NADK: variants seen among roughly 807,000 people sequenced by gnomAD.
The protein encoded by NADK is NAD kinase.
NADK carries 22 observed loss-of-function variants against 49.8 expected under a neutral mutation model. That is an observed-to-expected ratio of 0.44 (90% CI 0.32 to 0.63). The LOEUF (loss-of-function observed/expected upper bound fraction) is 0.63. Among genes scored for constraint, NADK ranks in the 30% least tolerant of loss-of-function variants. The pLI, the probability that NADK is intolerant of heterozygous loss-of-function variation, is 0.06. For missense variants in NADK, 438 were observed against 609.4 expected (o/e 0.72, Z 2.96); for synonymous variants, 268 against 253.7 (o/e 1.06, Z -0.54).
intron 3 of NADK, chr1:1,759,595 C>T: frequency 9.6e-7 from 1 of 1,041,774 alleles, no homozygotes; most frequent in South Asian, 1.6e-5. Context: ...AGTTCAGATG[C>T]ATGGGAAGCC....
chr1:1,774,699 A>T (rs536437366), intron 1 of NADK, among the ~76,000 whole-genome samples: 2 of 152,330 alleles, frequency 1.3e-5, no homozygotes, highest in South Asian at 2.1e-4. Flanking sequence ...GACAAGGGTG[A>T]GTCAGGACTG....
chr1:1,760,255 T>C (rs1427819710), intron 3 of NADK, among the ~76,000 whole-genome samples: 1 of 152,130 alleles, frequency 6.6e-6, no homozygotes, highest in Non-Finnish European at 1.5e-5. Flanking sequence ...TCACAGACAC[T>C]CCGGGAACCA....
intron 1 of NADK, among the ~76,000 whole-genome samples, chr1:1,774,607 C>G (rs922837542): frequency 1.3e-5 from 2 of 151,480 alleles, no homozygotes; most frequent in South Asian, 4.2e-4. Context: ...GGCCACTGCG[C>G]GCGGCCACCA....
At chr1:1,758,993 G>T in intron 3 of NADK, 1 of 1,355,342 alleles carries the variant, frequency 7.4e-7, no homozygotes, top group Non-Finnish European at 9.8e-7. Flanking sequence ...GCTTGGCTCC[G>T]GCCCAAGGGC....
Position 1,774,934 on chromosome 1 carries a change from C to T in NADK, c.-41+3355G>A, listed in dbSNP as rs1040934460. 5.9e-5 allele frequency among the ~76,000 whole-genome samples: 9 copies of T among 151,792 alleles called. No homozygotes were observed. In the East Asian group the frequency reaches 7.8e-4, roughly 13 times the overall value. On this transcript the variant is annotated intron_variant, in intron 1 of 11. Coordinates refer to ENST00000341426, the MANE Select transcript of NADK (RefSeq NM_023018.5). ...CAGCCTGGCCAAGATGGTGAAACTC[C>T]GTCTCTACTAAAAATACAAAAAAAA...
chr1:1,776,731 C>T (rs980209055), intron 1 of NADK, among the ~76,000 whole-genome samples: 4 of 145,844 alleles, frequency 2.7e-5, no homozygotes, highest in African/African-American at 7.6e-5. Flanking sequence ...CGAGATTGTG[C>T]CACTGCACTC....
Position 1,752,952 on chromosome 1 carries a change from C to T in NADK, c.1293G>A (p.Lys431=). 1.9e-6 allele frequency: 3 copies of T among 1,599,338 alleles called. No individual in the cohort carries two copies. The highest frequency in any genetic ancestry group is 1.8e-5 in the Admixed American group (1 of 56,326). ...LAQCLHWNVR[K]KQAHFEEEEE... is the part of the protein sequence containing the mutation. ...CCTCCTCCTCGAAGTGGGCTTGCTT[C>T]TTCCGGACGTTCCAATGCAGGCACT... is the stretch of plus-strand genomic sequence containing the variant. Residue 431 remains lysine, a synonymous_variant, in exon 12 of 12, where the codon AAG becomes AAA. Coordinates refer to ENST00000341426, the MANE Select transcript of NADK (RefSeq NM_023018.5).
intron 2 of NADK, among the ~76,000 whole-genome samples, chr1:1,764,378 C>T (rs1162213273): frequency 5.3e-5 from 8 of 152,142 alleles, no homozygotes; most frequent in South Asian, 2.1e-4. Context: ...ATGCAAAGCC[C>T]GGGGCGCTGT....
At chr1:1,780,060 T>C (rs1646325099), upstream of NADK, 1 of 152,172 alleles carries the variant, frequency 6.6e-6, no homozygotes. Context: ...CATGAGAACT[T>C]GGGGGATTTC....
intron 7 of NADK, chr1:1,755,039 C>T (rs887934983): frequency 2.5e-6 from 1 of 408,082 alleles, no homozygotes; most frequent in African/African-American, 2.1e-5. Flanking sequence ...CCAGGATGGT[C>T]TCATCTCTTG....
At position 1,775,037 on chromosome 1, in the gene NADK, C is replaced by T. The variant is rs1249186312; in HGVS notation, c.-41+3252G>A. On this transcript the variant is annotated intron_variant, in intron 1 of 11. Coordinates refer to ENST00000341426, the MANE Select transcript of NADK (RefSeq NM_023018.5). ...GGCAGGAGAATCGCTTGAACCCAGG[C>T]GGCAGAGGTTGCAGTGAGCTGAGAT... 3.3e-5 allele frequency among the ~76,000 whole-genome samples: 5 copies of T among 151,736 alleles called. 1 individual carries two copies. Among genetic ancestry groups the T allele is most frequent in the Non-Finnish European group, 7.4e-5 (5 of 67,940 alleles).
chr1:1,756,420 G>A (rs1645524671), intron 5 of NADK, 77 bp from the exon 6 acceptor site: 2 of 1,609,606 alleles, frequency 1.2e-6, no homozygotes, highest in South Asian at 1.1e-5. Flanking sequence ...AGACACCAAT[G>A]ACAAGGGCAA....
rs138612676 is a variant in NADK, at chr1:1,760,003, C to A, written c.263+1949G>T. On this transcript the variant is annotated intron_variant, in intron 3 of 11. Coordinates refer to ENST00000341426, the MANE Select transcript of NADK (RefSeq NM_023018.5). ...AGCACAGGATGGCGGGACAGAGCCA[C>A]GGCGGGGCCGGGAGGGCAGTGGAGC... is the stretch of plus-strand genomic sequence containing the variant. The A allele has an allele frequency of 1.4e-5, 18 of 1,314,922 alleles. No individual in the cohort carries two copies. The African/African-American group carries it at 2.6e-4, about 19-fold the overall frequency. 81.5% of individuals were successfully genotyped at this position (1,314,922 alleles called of 1,614,324 possible). A position where few individuals can be genotyped will look rare whatever the true frequency, so the allele number is the denominator to read the frequency against.
At chr1:1,758,769 A>T (rs1041746691) in intron 3 of NADK, 6 of 538,984 alleles carry the variant, frequency 1.1e-5, no homozygotes, top group Non-Finnish European at 1.2e-5. Context: ...AAGAGGCCAC[A>T]CTTCAGCTCC....
chr1:1,764,262 G>A (rs576639319), intron 2 of NADK, among the ~76,000 whole-genome samples: 43 of 152,328 alleles, frequency 2.8e-4, no homozygotes, highest in African/African-American at 9.4e-4. Flanking sequence ...GTTAGGCAGC[G>A]CCGGCTCTGG....
Position 1,751,349 on chromosome 1 carries a change from CAA to C in NADK, c.*1553_*1554del, listed in dbSNP as rs1411136301. On this transcript the variant is annotated 3_prime_UTR_variant, in exon 12 of 12. Coordinates refer to ENST00000341426, the MANE Select transcript of NADK (RefSeq NM_023018.5). ...AACATTAAAATTTACTTCAAAAATC[CAA>C]AGTTTTCTAGATCATTCCCATCTCA... 2 of 74,572 alleles carry C rather than the reference CAA, an allele frequency of 2.7e-5. No homozygotes were observed. Among genetic ancestry groups the C allele is most frequent in the African/African-American group, 9.4e-5 (2 of 21,334 alleles). 4.6% of individuals were successfully genotyped at this position (74,572 alleles called of 1,614,324 possible).
chr1:1,764,653 G>C (rs1645829440), intron 2 of NADK, among the ~76,000 whole-genome samples: 1 of 152,214 alleles, frequency 6.6e-6, no homozygotes, highest in Non-Finnish European at 1.5e-5. Context: ...GGTAATCCCA[G>C]CACTTTGGGA....
intron 2 of NADK, among the ~76,000 whole-genome samples, chr1:1,762,244 C>A (rs554327132): frequency 6.6e-6 from 1 of 152,240 alleles, no homozygotes; most frequent in African/African-American, 2.4e-5. Context: ...AGCACGCATG[C>A]CCACGCGCCG....
rs765543116 is a variant in NADK, at chr1:1,755,486, G to C, written c.586-10C>G. The C allele has an allele frequency of 5.6e-6, 9 of 1,608,852 alleles. No individual in the cohort carries two copies. Among genetic ancestry groups the C allele is most frequent in the African/African-American group, 1.3e-5 (1 of 74,826 alleles). ...CCGGAGGGACGCTGCCCTGTGAGCC[G>C]ACGGAGAGGTCACTCAGTGCCCACG... is the stretch of plus-strand genomic sequence containing the variant. On this transcript the variant is annotated splice_polypyrimidine_tract_variant and intron_variant, in intron 6 of 11. Transcript: ENST00000341426.
Sources: allele counts gnomAD v4.1 joint callset (sites outside exome capture counted in the v4.1 genomes callset), GRCh38; gene constraint gnomAD v4.1.1; transcripts MANE v1.5; gene names NCBI Gene and HGNC (gene_info 2026-07-23, HGNC 2026-07-21).